Variants in BHLHE23 observed in about 807,000 individuals in gnomAD.
The protein encoded by BHLHE23 is basic helix-loop-helix family member e23.
For synonymous variants in BHLHE23, 204 were observed against 184.4 expected (o/e 1.11, Z -0.86); for missense variants, 401 against 380.0 (o/e 1.06, Z -0.46).
Position 63,006,242 on chromosome 20 carries a change from C to T in BHLHE23, c.533G>A (p.Arg178Gln). 1.9e-6 allele frequency: 3 copies of T among 1,609,660 alleles called. No individual in the cohort carries two copies. The highest frequency in any genetic ancestry group is 2.5e-6 in the Non-Finnish European group (3 of 1,179,240). The change falls in exon 1 of 1, where the codon CGG (arginine) becomes CAG (glutamine). Residue 178 changes from arginine (R) to glutamine (Q), a missense_variant. Transcript: ENST00000612929. ...CTGGTTGAGGAAGGCCACCAGGCGC[C>T]GCATCTCGTCCAGGGCCTGCGCCTG... ...LMQAQALDEM[R>Q]RLVAFLNQGQ... is the part of the protein sequence containing the mutation.
Position 63,006,625 on chromosome 20 carries a change from G to C in BHLHE23, c.150C>G (p.Pro50=), listed in dbSNP as rs562307271. ...AGLAYGAARE[P]EAARGYGTPG... is the part of the protein sequence containing the mutation. ...GAGTGCCGTAGCCGCGGGCCGCTTC[G>C]GGTTCTCGCGCCGCCCCGTAGGCGA... The change falls in exon 1 of 1, where the codon CCC becomes CCG. Residue 50 remains proline, a synonymous_variant. Coordinates refer to ENST00000612929, the MANE Select transcript of BHLHE23 (RefSeq NM_080606.4). The C allele has an allele frequency of 7.6e-5, 103 of 1,348,690 alleles. No homozygotes were observed. The African/African-American group carries it at 1.3e-3, about 18-fold the overall frequency. 83.5% of individuals were successfully genotyped at this position (1,348,690 alleles called of 1,614,324 possible).
rs768198997 is a variant in BHLHE23, at chr20:63,006,130, G to C, written c.645C>G (p.Ala215=). Residue 215 remains alanine (A), a synonymous_variant, in exon 1 of 1, where the codon GCC becomes GCG. Transcript: ENST00000612929. ...CGCACTTGTCAGGGCAGGGCCCCAG[G>C]GCGGCGCCTGCGGAGAAGGGGCACA... The part of the protein sequence containing the change: ...ATVCPFSAGA[A]LGPCPDKCAA... 125 of 1,548,138 alleles carry C rather than the reference G, an allele frequency of 8.1e-5. 1 individual carries two copies. In the African/African-American group the frequency reaches 1.7e-3, roughly 21 times the overall value.
In BHLHE23 at chr20:63,006,609, A is replaced by G; in HGVS notation, c.166T>C (p.Tyr56His). ...TCGCCGCCCGGGCCCGGAGTGCCGT[A>G]GCCGCGGGCCGCTTCGGGTTCTCGC... ...AAREPEAARGYGTPGPGGDLP... is the reference protein window; with the variant it reads ...AAREPEAARGHGTPGPGGDLP... Residue 56 changes from tyrosine (Y) to histidine (H), a missense_variant, in exon 1 of 1, where the codon TAC (tyrosine) becomes CAC (histidine). Physicochemically the swap from Tyr to His is moderately conservative, Grantham distance 83. Transcript: ENST00000612929. The G allele has an allele frequency of 7.5e-7, 1 of 1,339,086 alleles. No homozygotes were observed. The highest frequency in any genetic ancestry group is 3.2e-5 in the East Asian group (1 of 31,378). The allele number at this position is 1,339,086 out of a possible 1,614,324, so 83.0% of individuals were successfully genotyped here.
Position 63,006,070 on chromosome 20 carries a change from T to A in BHLHE23, c.705A>T (p.Lys235Asn). The A allele has an allele frequency of 6.5e-7, 1 of 1,537,874 alleles. No individual in the cohort carries two copies. The highest frequency in any genetic ancestry group is 2.4e-5 in the East Asian group (1 of 40,828). ...AFSGTPSALCKHCHEKP is the reference protein window; with the variant it reads ...AFSGTPSALCNHCHEKP ...GCGGTCACGGCTTCTCGTGACAGTG[T>A]TTGCAAAGCGCGGAGGGCGTCCCGG... is the stretch of plus-strand genomic sequence containing the variant. The change falls in exon 1 of 1, where the codon AAA becomes AAT. Residue 235 changes from lysine to asparagine, a missense_variant. By Grantham distance (94) the Lys-to-Asn change is moderately conservative (BLOSUM62 0). Transcript: ENST00000612929.
chr20:63,006,230 G>T lies in BHLHE23; in HGVS notation c.545C>A (p.Ala182Asp), dbSNP rs1428108261. The T allele has an allele frequency of 6.2e-7, 1 of 1,607,252 alleles. No homozygotes were observed. Among genetic ancestry groups the T allele is most frequent in the African/African-American group, 1.3e-5 (1 of 74,794 alleles). Residue 182 changes from alanine to aspartate, a missense_variant, in exon 1 of 1, where the codon GCC becomes GAC. Physicochemically the swap from Ala to Asp is moderately radical, Grantham distance 126. Transcript: ENST00000612929. Reference sequence around the variant, plus strand: ...CAGGCCCTGGCCCTGGTTGAGGAAGGCCACCAGGCGCCGCATCTCGTCCAG... The same window carrying T: ...CAGGCCCTGGCCCTGGTTGAGGAAGTCCACCAGGCGCCGCATCTCGTCCAG... ...QALDEMRRLV[A>D]FLNQGQGLAA...
chr20:63,006,575 G>A lies in BHLHE23; in HGVS notation c.200C>T (p.Ala67Val). The A allele has an allele frequency of 3.1e-6, 4 of 1,295,478 alleles. No individual in the cohort carries two copies. Among genetic ancestry groups the A allele is most frequent in the Middle Eastern group, 5.9e-4 (2 of 3,384 alleles). The allele number at this position is 1,295,478 out of a possible 1,614,324, so 80.2% of individuals were successfully genotyped here. A position where few individuals can be genotyped will look rare whatever the true frequency, so the allele number is the denominator to read the frequency against. The change falls in exon 1 of 1, where the codon GCG becomes GTG. Residue 67 changes from alanine (A) to valine (V), a missense_variant. By Grantham distance (64) the Ala-to-Val change is moderately conservative. Transcript: ENST00000612929. ...AGCTGGGGCGCGAGGTGCAGGCGCC[G>A]CGGGGAGGTCGCCGCCCGGGCCCGG... is the stretch of plus-strand genomic sequence containing the variant. The part of the protein sequence containing the change: ...GTPGPGGDLP[A>V]APAPRAPAQA...
chr20:63,006,555 G>A lies in BHLHE23; in HGVS notation c.220C>T (p.Pro74Ser). The change falls in exon 1 of 1, where the codon CCA becomes TCA. Residue 74 changes from proline to serine, a missense_variant. Transcript: ENST00000612929. The stretch of plus-strand genomic sequence containing the variant: ...CCGCTGCTCTCCGCCGCCTGAGCTG[G>A]GGCGCGAGGTGCAGGCGCCGCGGGG... ...DLPAAPAPRAPAQAAESSGEQ... is the reference protein window; with the variant it reads ...DLPAAPAPRASAQAAESSGEQ... The A allele has an allele frequency of 7.8e-7, 1 of 1,288,776 alleles. No individual in the cohort carries two copies. Among genetic ancestry groups the A allele is most frequent in the South Asian group, 2.5e-5 (1 of 39,964 alleles). 79.8% of individuals were successfully genotyped at this position (1,288,776 alleles called of 1,614,324 possible). A position where few individuals can be genotyped will look rare whatever the true frequency, so the allele number is the denominator to read the frequency against.
rs1242478164 is a variant in BHLHE23, at chr20:63,006,616, G to C, written c.159C>G (p.Ala53=). The C allele has an allele frequency of 1.5e-6, 2 of 1,343,080 alleles. No individual in the cohort carries two copies. Among genetic ancestry groups the C allele is most frequent in the Non-Finnish European group, 1.9e-6 (2 of 1,047,136 alleles). 83.2% of individuals were successfully genotyped at this position (1,343,080 alleles called of 1,614,324 possible). The part of the protein sequence containing the change: ...AYGAAREPEA[A]RGYGTPGPGG... ...CCGGGCCCGGAGTGCCGTAGCCGCGGGCCGCTTCGGGTTCTCGCGCCGCCC... is the reference window on the plus strand; with the variant it reads ...CCGGGCCCGGAGTGCCGTAGCCGCGCGCCGCTTCGGGTTCTCGCGCCGCCC... The change falls in exon 1 of 1, where the codon GCC becomes GCG. Residue 53 remains alanine (A), a synonymous_variant. Transcript: ENST00000612929.
At position 63,006,262 on chromosome 20, in the gene BHLHE23, C is replaced by A; in HGVS notation, c.513G>T (p.Ala171=). The A allele has an allele frequency of 6.2e-7, 1 of 1,611,038 alleles. No homozygotes were observed. The highest frequency in any genetic ancestry group is 8.5e-7 in the Non-Finnish European group (1 of 1,179,666). Residue 171 remains alanine, a synonymous_variant, in exon 1 of 1, where the codon GCG becomes GCT. Transcript: ENST00000612929. ...LLAKNYILMQ[A]QALDEMRRLV... ...GGCGCCGCATCTCGTCCAGGGCCTG[C>A]GCCTGCATGAGGATATAGTTCTTGG... is the stretch of plus-strand genomic sequence containing the variant.
Position 63,006,642 on chromosome 20 carries a change from C to G in BHLHE23, c.133G>C (p.Gly45Arg), listed in dbSNP as rs1568930846. ...GCCGCTTCGGGTTCTCGCGCCGCCC[C>G]GTAGGCGAGACCCGCAGCCGCCGCC... ...YAAAAAGLAY[G>R]AAREPEAARG... Residue 45 changes from glycine (G) to arginine (R), a missense_variant, in exon 1 of 1, where the codon GGG (glycine) becomes CGG (arginine). Gly to Arg is a moderately radical substitution (Grantham distance 125). Transcript: ENST00000612929. 1.4e-5 allele frequency: 19 copies of G among 1,367,236 alleles called. No individual in the cohort carries two copies. In the Admixed American group the frequency reaches 1.6e-4, roughly 12 times the overall value. 84.7% of individuals were successfully genotyped at this position (1,367,236 alleles called of 1,614,324 possible). A position where few individuals can be genotyped will look rare whatever the true frequency, so the allele number is the denominator to read the frequency against.
In BHLHE23 at chr20:63,006,198, G is replaced by T; in HGVS notation, c.577C>A (p.Pro193Thr). The change falls in exon 1 of 1, where the codon CCC becomes ACC. Residue 193 changes from proline to threonine, a missense_variant. Transcript: ENST00000612929. ...FLNQGQGLAA[P>T]VNAAPLTPFG... ...GGCGTCAAGGGCGCGGCGTTTACGG[G>T]CGCGGCCAGGCCCTGGCCCTGGTTG... The T allele has an allele frequency of 6.3e-7, 1 of 1,589,546 alleles. No individual in the cohort carries two copies. Among genetic ancestry groups the T allele is most frequent in the Non-Finnish European group, 8.5e-7 (1 of 1,170,314 alleles).
At position 63,006,593 on chromosome 20, in the gene BHLHE23, G is replaced by A; in HGVS notation, c.182C>T (p.Pro61Leu). The change falls in exon 1 of 1, where the codon CCG becomes CTG. Residue 61 changes from proline (P) to leucine (L), a missense_variant. Coordinates refer to ENST00000612929, the MANE Select transcript of BHLHE23 (RefSeq NM_080606.4). ...AGGCGCCGCGGGGAGGTCGCCGCCC[G>A]GGCCCGGAGTGCCGTAGCCGCGGGC... The part of the protein sequence containing the change: ...EAARGYGTPG[P>L]GGDLPAAPAP... 1 of 1,312,400 alleles carries A rather than the reference G, an allele frequency of 7.6e-7. No individual in the cohort carries two copies. The highest frequency in any genetic ancestry group is 9.7e-7 in the Non-Finnish European group (1 of 1,033,384). The allele number at this position is 1,312,400 out of a possible 1,614,324, so 81.3% of individuals were successfully genotyped here.
Position 63,005,984 on chromosome 20 carries a change from C to A in BHLHE23, c.*65G>T. ...AGGGTCCCTCCAGGCCTTTCCTGTC[C>A]GGGCAGAGAGACAGTCACAGGGGCG... On this transcript the variant is annotated 3_prime_UTR_variant, in exon 1 of 1. Transcript: ENST00000612929. The A allele has an allele frequency of 6.9e-7, 1 of 1,446,448 alleles. No homozygotes were observed. Among genetic ancestry groups the A allele is most frequent in the Admixed American group, 2.7e-5 (1 of 36,840 alleles). The allele number at this position is 1,446,448 out of a possible 1,614,324, so 89.6% of individuals were successfully genotyped here.
Position 63,006,539 on chromosome 20 carries a change from T to C in BHLHE23, c.236A>G (p.Glu79Gly). The C allele has an allele frequency of 7.7e-7, 1 of 1,294,958 alleles. No individual in the cohort carries two copies. The highest frequency in any genetic ancestry group is 9.7e-7 in the Non-Finnish European group (1 of 1,029,454). The allele number at this position is 1,294,958 out of a possible 1,614,324, so 80.2% of individuals were successfully genotyped here. A position where few individuals can be genotyped will look rare whatever the true frequency, so the allele number is the denominator to read the frequency against. Reference sequence around the variant, plus strand: ...GTCCCCGCTCTGTTCGCCGCTGCTCTCCGCCGCCTGAGCTGGGGCGCGAGG... The same window carrying C: ...GTCCCCGCTCTGTTCGCCGCTGCTCCCCGCCGCCTGAGCTGGGGCGCGAGG... ...PAPRAPAQAA[E>G]SSGEQSGDED... The change falls in exon 1 of 1, where the codon GAG (glutamate) becomes GGG (glycine). Residue 79 changes from glutamate (E) to glycine (G), a missense_variant. Coordinates refer to ENST00000612929, the MANE Select transcript of BHLHE23 (RefSeq NM_080606.4).
At position 63,006,175 on chromosome 20, in the gene BHLHE23, C is replaced by T. The variant is rs1312702739; in HGVS notation, c.600G>A (p.Thr200=). 1.3e-6 allele frequency: 2 copies of T among 1,568,790 alleles called. No homozygotes were observed. The highest frequency in any genetic ancestry group is 1.7e-6 in the Non-Finnish European group (2 of 1,159,768). ...LAAPVNAAPL[T]PFGQATVCPF... Reference sequence around the variant, plus strand: ...GGCACACAGTGGCCTGGCCGAAGGGCGTCAAGGGCGCGGCGTTTACGGGCG... The same window carrying T: ...GGCACACAGTGGCCTGGCCGAAGGGTGTCAAGGGCGCGGCGTTTACGGGCG... Residue 200 remains threonine, a synonymous_variant, in exon 1 of 1, where the codon ACG becomes ACA. Transcript: ENST00000612929.
In BHLHE23 at chr20:63,006,866, C is replaced by A; in HGVS notation, c.-92G>T. The A allele has an allele frequency of 8.2e-7, 1 of 1,222,838 alleles. No homozygotes were observed. The highest frequency in any genetic ancestry group is 4.1e-5 in the South Asian group (1 of 24,438). 75.7% of individuals were successfully genotyped at this position (1,222,838 alleles called of 1,614,324 possible). A position where few individuals can be genotyped will look rare whatever the true frequency, so the allele number is the denominator to read the frequency against. The stretch of plus-strand genomic sequence containing the variant: ...GGCTCTGCGCGTCGGTCTGGCTTGC[C>A]TGCGGGTCCCAGAGCCTCGGCGCCC... On this transcript the variant is annotated 5_prime_UTR_variant, in exon 1 of 1. In the 5' UTR this introduces an upstream ATG that the reference lacks. Transcript: ENST00000612929.
rs2065791728 is a variant in BHLHE23 at position 63,006,429 on chromosome 20, A to T, written c.346T>A (p.Ser116Thr). The T allele has an allele frequency of 6.6e-7, 1 of 1,504,114 alleles. No individual in the cohort carries two copies. The highest frequency in any genetic ancestry group is 8.8e-7 in the Non-Finnish European group (1 of 1,138,210). 93.2% of individuals were successfully genotyped at this position (1,504,114 alleles called of 1,614,324 possible). A position where few individuals can be genotyped will look rare whatever the true frequency, so the allele number is the denominator to read the frequency against. The part of the protein sequence containing the change: ...DGRRRPREQR[S>T]LRLSINARER... ...CGCGCGTTGATGCTGAGCCGCAGAGACCGCTGCTCTCGCGGCCGCCGCCGC... is the reference window on the plus strand; with the variant it reads ...CGCGCGTTGATGCTGAGCCGCAGAGTCCGCTGCTCTCGCGGCCGCCGCCGC... The change falls in exon 1 of 1, where the codon TCT becomes ACT. Residue 116 changes from serine (S) to threonine (T), a missense_variant. By Grantham distance (58) the Ser-to-Thr change is moderately conservative (BLOSUM62 1). Transcript: ENST00000612929.
rs1326617019 is a variant in BHLHE23 at position 63,006,338 on chromosome 20, G to C, written c.437C>G (p.Ala146Gly). The C allele has an allele frequency of 4.3e-6, 7 of 1,610,882 alleles. No individual in the cohort carries two copies. In the East Asian group the frequency reaches 1.6e-4, roughly 36 times the overall value. ...LDGLRAVIPYAHSPSVRKLSK... is the reference protein window; with the variant it reads ...LDGLRAVIPYGHSPSVRKLSK... Reference sequence around the variant, plus strand: ...GAGCTTGCGCACCGACGGGCTGTGCGCGTAGGGGATGACGGCTCGCAGCCC... The same window carrying C: ...GAGCTTGCGCACCGACGGGCTGTGCCCGTAGGGGATGACGGCTCGCAGCCC... Residue 146 changes from alanine to glycine, a missense_variant, in exon 1 of 1, where the codon GCG becomes GGG. Coordinates refer to ENST00000612929, the MANE Select transcript of BHLHE23 (RefSeq NM_080606.4).
rs551030110 is a variant in BHLHE23, at chr20:63,006,662, G to A, written c.113C>T (p.Ala38Val). The change falls in exon 1 of 1, where the codon GCG (alanine) becomes GTG (valine). Residue 38 changes from alanine (A) to valine (V), a missense_variant. Transcript: ENST00000612929. ...YLALSHGYAA[A>V]AAGLAYGAAR... ...CGCCCCGTAGGCGAGACCCGCAGCC[G>A]CCGCCGCGTAGCCGTGGCTTAGTGC... 9.5e-6 allele frequency: 13 copies of A among 1,371,896 alleles called. No homozygotes were observed. The African/African-American group carries it at 1.2e-4, about 13-fold the overall frequency. The allele number at this position is 1,371,896 out of a possible 1,614,324, so 85.0% of individuals were successfully genotyped here. A position where few individuals can be genotyped will look rare whatever the true frequency, so the allele number is the denominator to read the frequency against.
Sources: allele counts gnomAD v4.1 joint callset, GRCh38; gene constraint gnomAD v4.1.1; transcripts MANE v1.5; gene names NCBI Gene and HGNC (gene_info 2026-07-23, HGNC 2026-07-21).